The following CNOT7 variants were observed in gnomAD, a reference collection of about 807,000 sequenced individuals.
CNOT7 encodes the protein CCR4-NOT transcription complex subunit 7.
In CNOT7, 4 loss-of-function variants were observed where a neutral mutation model predicts 37.1. The ratio of observed to expected loss-of-function variants is 0.11; its 90% confidence interval spans 0.05 to 0.25. The LOEUF (loss-of-function observed/expected upper bound fraction) is 0.25. Among genes scored for constraint, CNOT7 ranks in the 10% least tolerant of loss-of-function variants. The pLI, the probability that CNOT7 is intolerant of heterozygous loss-of-function variation, is 1.00. For synonymous variants in CNOT7, 128 were observed against 115.6 expected (o/e 1.11, Z -0.69); for missense variants, 170 against 336.2 (o/e 0.51, Z 3.87).
chr8:17,237,452 T>C (rs1585810067), intron 3 of CNOT7, 79 bp from the exon 4 acceptor site: 7 of 1,332,788 alleles, frequency 5.3e-6, no homozygotes, highest in Non-Finnish European at 6.3e-6. Flanking sequence ...CATCTATAAC[T>C]ACAGTGCCAG....
rs553002159 is a variant in CNOT7, at chr8:17,226,552, A to G, written c.*4168T>C. On this transcript the variant is annotated 3_prime_UTR_variant, in exon 7 of 7. Transcript: ENST00000361272. ...GATTCATTTCCAACAGAAGATTAAG[A>G]GGAAACTTTAAAAGCATTTAATTGC... The G allele has an allele frequency of 6.6e-6, 1 of 151,854 alleles. No homozygotes were observed. The highest frequency in any genetic ancestry group is 2.1e-4 in the South Asian group (1 of 4,828). 9.4% of individuals were successfully genotyped at this position (151,854 alleles called of 1,614,324 possible).
At chr8:17,233,230 A>G (rs1034346292) in intron 5 of CNOT7, among the ~76,000 whole-genome samples, 1 of 152,198 alleles carries the variant, frequency 6.6e-6, no homozygotes, top group Non-Finnish European at 1.5e-5. Flanking sequence ...TAGAGCGTGA[A>G]GGAAAGAAAC....
At chr8:17,231,468 G>A (rs1044960138) in intron 6 of CNOT7, 6 of 936,468 alleles carry the variant, frequency 6.4e-6, no homozygotes, top group Non-Finnish European at 7.6e-6. Context: ...AAATATTTAC[G>A]TGTCATGAAT....
rs1393906405 is a variant in CNOT7, at chr8:17,225,264, G to GA, written c.*5455dup. On this transcript the variant is annotated 3_prime_UTR_variant, in exon 7 of 7. Transcript: ENST00000361272. ...AAATAAAGATTCTTATCTTTTGGGA[G>GA]AAAGAGCCAAAACAGAAGGGTGTGA... 2 of 151,580 alleles carry GA rather than the reference G, an allele frequency of 1.3e-5. No individual in the cohort carries two copies. Among genetic ancestry groups the GA allele is most frequent in the African/African-American group, 4.8e-5 (2 of 41,374 alleles). 9.4% of individuals were successfully genotyped at this position (151,580 alleles called of 1,614,324 possible). A position where few individuals can be genotyped will look rare whatever the true frequency, so the allele number is the denominator to read the frequency against.
Position 17,230,211 on chromosome 8 carries a change from T to G in CNOT7, c.*509A>C, listed in dbSNP as rs1416807053. On this transcript the variant is annotated 3_prime_UTR_variant, in exon 7 of 7. Transcript: ENST00000361272. Reference sequence around the variant, plus strand: ...AAAACCAAGTAAATACTGTGTAAAGTTGGCAGATTTTTCCAGCTAAGATCA... The same window carrying G: ...AAAACCAAGTAAATACTGTGTAAAGGTGGCAGATTTTTCCAGCTAAGATCA... 3 of 152,508 alleles carry G rather than the reference T, an allele frequency of 2.0e-5. No individual in the cohort carries two copies. 9.4% of individuals were successfully genotyped at this position (152,508 alleles called of 1,614,324 possible).
intron 6 of CNOT7, 154 bp downstream of exon 6, chr8:17,232,273 T>G (rs879483401): frequency 6.8e-7 from 1 of 1,476,574 alleles, no homozygotes; most frequent in African/African-American, 1.4e-5. Context: ...GACTTATTTT[T>G]GAATACTTTT....
At chr8:17,240,407 G>A (rs929930111) in intron 3 of CNOT7, among the ~76,000 whole-genome samples, 3 of 151,562 alleles carry the variant, frequency 2.0e-5, no homozygotes, top group Non-Finnish European at 2.9e-5. Flanking sequence ...TTTTATGTGT[G>A]GCCCAAGACA....
chr8:17,240,422 TTCC>T (rs1810006379), intron 3 of CNOT7, among the ~76,000 whole-genome samples: 1 of 152,156 alleles, frequency 6.6e-6, no homozygotes. Context: ...AAGACAATTC[TTCC>T]TCTAGTGTGG....
Position 17,230,591 on chromosome 8 carries a change from C to G in CNOT7, c.*129G>C. The G allele has an allele frequency of 1.6e-6, 1 of 637,520 alleles. No individual in the cohort carries two copies. Among genetic ancestry groups the G allele is most frequent in the Non-Finnish European group, 2.5e-6 (1 of 399,282 alleles). The allele number at this position is 637,520 out of a possible 1,614,324, so 39.5% of individuals were successfully genotyped here. A position where few individuals can be genotyped will look rare whatever the true frequency, so the allele number is the denominator to read the frequency against. On this transcript the variant is annotated 3_prime_UTR_variant, in exon 7 of 7. Transcript: ENST00000361272. ...AACGGTCATACTTAGTACTGAAAGGCAGACAATAAAATGGGCCATGAAAGG... is the reference window on the plus strand; with the variant it reads ...AACGGTCATACTTAGTACTGAAAGGGAGACAATAAAATGGGCCATGAAAGG...
At chr8:17,239,444 C>T (rs925931948) in intron 3 of CNOT7, among the ~76,000 whole-genome samples, 1 of 152,208 alleles carries the variant, frequency 6.6e-6, no homozygotes, top group Non-Finnish European at 1.5e-5. Flanking sequence ...TACCACCAAA[C>T]CCAAGGTGCC....
Position 17,243,105 on chromosome 8 carries a change from C to A in CNOT7, c.198G>T (p.Arg66=). ...SNADYQYQLL[R]CNVDLLKIIQ... ...TTATCTTTAACAAGTCTACATTACA[C>A]CGCAATAGTTGGTATTGATAGTCAG... Residue 66 remains arginine, a synonymous_variant, in exon 3 of 7, where the codon CGG becomes CGT. Transcript: ENST00000361272. The A allele has an allele frequency of 1.2e-6, 2 of 1,612,596 alleles. No individual in the cohort carries two copies. Among genetic ancestry groups the A allele is most frequent in the Middle Eastern group, 1.7e-4 (1 of 6,024 alleles).
At chr8:17,243,856 T>C (rs976032271) in intron 2 of CNOT7, among the ~76,000 whole-genome samples, 3 of 152,186 alleles carry the variant, frequency 2.0e-5, no homozygotes, top group African/African-American at 7.2e-5. Context: ...CTTTATCAAA[T>C]AGTATGTCAT....
intron 2 of CNOT7, chr8:17,244,704 G>C (rs567693284): frequency 2.6e-5 from 5 of 193,934 alleles, no homozygotes; most frequent in South Asian, 1.3e-4. Flanking sequence ...CCAGCTTCCC[G>C]AACACATCCA....
chr8:17,226,728 CAATCTT>C lies in CNOT7; in HGVS notation c.*3986_*3991del, dbSNP rs1300572021. The C allele has an allele frequency of 1.3e-5, 2 of 151,726 alleles. No homozygotes were observed. The highest frequency in any genetic ancestry group is 4.8e-5 in the African/African-American group (2 of 41,386). 9.4% of individuals were successfully genotyped at this position (151,726 alleles called of 1,614,324 possible). ...ACAGAAAGTATATAAAGCAGCTTGA[CAATCTT>C]AAGTTTTAGTTTTTATTGAAATGAA... On this transcript the variant is annotated 3_prime_UTR_variant, in exon 7 of 7. Coordinates refer to ENST00000361272, the MANE Select transcript of CNOT7 (RefSeq NM_013354.7).
intron 1 of CNOT7, chr8:17,246,122 A>G (rs1240320039): frequency 6.6e-6 from 1 of 152,198 alleles, no homozygotes; most frequent in African/African-American, 2.4e-5. Flanking sequence ...CATAAGCACA[A>G]AAACACAAAG....
intron 3 of CNOT7, among the ~76,000 whole-genome samples, chr8:17,238,053 A>G (rs569934302): frequency 7.9e-5 from 12 of 152,352 alleles, no homozygotes; most frequent in African/African-American, 2.6e-4. Context: ...ATTCTTCAAG[A>G]TTTCACTTAA....
At chr8:17,233,011 A>G (rs983344607) in intron 5 of CNOT7, among the ~76,000 whole-genome samples, 2 of 152,230 alleles carry the variant, frequency 1.3e-5, no homozygotes, top group African/African-American at 4.8e-5. Context: ...AGAGTATGCT[A>G]AATGCTTCAC....
rs1451050115 is a variant in CNOT7 at position 17,239,603 on chromosome 8, C to T, written c.312-2230G>A. Among the ~76,000 whole-genome samples the T allele has an allele frequency of 5.3e-5, 8 of 151,992 alleles. No homozygotes were observed. In the East Asian group the frequency reaches 9.7e-4, roughly 18 times the overall value. On this transcript the variant is annotated intron_variant, in intron 3 of 6. Transcript: ENST00000361272. ...ACCTCCTGGGTTCACGCCATTCTCCCGCCTCAGCCTCCCGAGTAGCTGGGA... is the reference window on the plus strand; with the variant it reads ...ACCTCCTGGGTTCACGCCATTCTCCTGCCTCAGCCTCCCGAGTAGCTGGGA...
chr8:17,227,198 T>G lies in CNOT7; in HGVS notation c.*3522A>C, dbSNP rs1808218585. ...GCCTTAAAATTTGACCAAATAAACTTTTTTTCTGCTTCATGCATTTTTCCC... is the reference window on the plus strand; with the variant it reads ...GCCTTAAAATTTGACCAAATAAACTGTTTTTCTGCTTCATGCATTTTTCCC... On this transcript the variant is annotated 3_prime_UTR_variant, in exon 7 of 7. Transcript: ENST00000361272. The G allele has an allele frequency of 1.3e-5, 2 of 151,870 alleles. 1 individual carries two copies. The highest frequency in any genetic ancestry group is 4.1e-4 in the South Asian group (2 of 4,826). 9.4% of individuals were successfully genotyped at this position (151,870 alleles called of 1,614,324 possible). A position where few individuals can be genotyped will look rare whatever the true frequency, so the allele number is the denominator to read the frequency against.
Sources: gnomAD v4.1 joint callset for allele counts (sites outside exome capture counted in the v4.1 genomes callset) on GRCh38, gnomAD v4.1.1 for gene constraint, MANE v1.5 for transcripts, NCBI Gene and HGNC (gene_info 2026-07-23, HGNC 2026-07-21) for gene names.